The following GRM4 variants were observed in gnomAD, a reference collection of about 807,000 sequenced individuals.
GRM4 encodes glutamate metabotropic receptor 4.
Under a neutral mutation model 81.7 loss-of-function variants are expected in GRM4, and 28 were observed. That is an observed-to-expected ratio of 0.34 (90% CI 0.25 to 0.47). GRM4 has a LOEUF of 0.47. GRM4 is among the 20% of genes least tolerant of loss of function. The pLI is 1.00. For missense variants in GRM4, 948 were observed against 1,290.0 expected (o/e 0.73, Z 4.06); for synonymous variants, 488 against 528.8 (o/e 0.92, Z 1.06).
chr6:34,141,717 T>G (rs1770698731), intron 1 of GRM4, among the ~76,000 whole-genome samples: 1 of 152,174 alleles, frequency 6.6e-6, no homozygotes, highest in Non-Finnish European at 1.5e-5. Flanking sequence ...GTGGGCTGGC[T>G]GCTAGCTAGC....
chr6:34,025,531 GC>G (rs1033208443), intron 10 of GRM4, among the ~76,000 whole-genome samples: 5 of 152,248 alleles, frequency 3.3e-5, no homozygotes, highest in African/African-American at 1.2e-4. Flanking sequence ...CTCCTCTAAT[GC>G]CCTACCTGTC....
intron 2 of GRM4, among the ~76,000 whole-genome samples, chr6:34,096,594 C>T (rs1241390180): frequency 6.6e-6 from 1 of 152,242 alleles, no homozygotes; most frequent in African/African-American, 2.4e-5. Context: ...CTAGTCAATA[C>T]CCACTGCGTT....
At position 34,028,172 on chromosome 6, in the gene GRM4, G is replaced by A. The variant is rs1320073379; in HGVS notation, c.2637C>T (p.Phe879=). The A allele has an allele frequency of 6.2e-7, 1 of 1,613,914 alleles. No homozygotes were observed. Among genetic ancestry groups the A allele is most frequent in the Non-Finnish European group, 8.5e-7 (1 of 1,180,002 alleles). Residue 879 remains phenylalanine, a synonymous_variant, in exon 10 of 11, where the codon TTC becomes TTT. Transcript: ENST00000538487. The part of the protein sequence containing the change: ...MSNKFTQKGN[F]RPNGEAKSEL... ...CAGACTTGGCCTCTCCGTTGGGCCG[G>A]AAGTTGCCCTTCTGCGTGAACTTGT...
Position 34,122,843 on chromosome 6 carries a change from G to A in GRM4, c.519+10135C>T, listed in dbSNP as rs139161613. On this transcript the variant is annotated intron_variant, in intron 2 of 10. Transcript: ENST00000538487. ...GCCCTCAAGAAACTCAGAACTGTGGGGAGAGACACGATTCCCGCAAGAGCC... is the reference window on the plus strand; with the variant it reads ...GCCCTCAAGAAACTCAGAACTGTGGAGAGAGACACGATTCCCGCAAGAGCC... Among the ~76,000 whole-genome samples the A allele has an allele frequency of 2.8e-3, 420 of 152,314 alleles. 4 individuals carry two copies. The highest frequency in any genetic ancestry group is 9.5e-3 in the African/African-American group (393 of 41,562).
rs556327189 is a variant in GRM4, at chr6:34,117,147, G to T, written c.519+15831C>A. ...AATTTGTGTATCTTACAGTGTATAA[G>T]TTGTACCTCCATTTTAAAGAAAAAT... is the stretch of plus-strand genomic sequence containing the variant. On this transcript the variant is annotated intron_variant, in intron 2 of 10. Coordinates refer to ENST00000538487, the MANE Select transcript of GRM4 (RefSeq NM_000841.4). 1.7e-3 allele frequency among the ~76,000 whole-genome samples: 264 copies of T among 152,366 alleles called. 1 individual carries two copies. Among genetic ancestry groups the T allele is most frequent in the South Asian group, 6.8e-3 (33 of 4,830 alleles).
chr6:34,028,593 C>T (rs1198574475), intron 9 of GRM4, among the ~76,000 whole-genome samples: 2 of 152,210 alleles, frequency 1.3e-5, no homozygotes, highest in Non-Finnish European at 2.9e-5. Flanking sequence ...TCAGTTTCCT[C>T]ACGTATAATG....
At chr6:34,044,761 C>T (rs1413671196) in intron 6 of GRM4, among the ~76,000 whole-genome samples, 2 of 132,112 alleles carry the variant, frequency 1.5e-5, no homozygotes, top group Non-Finnish European at 3.2e-5. Flanking sequence ...TACACATACA[C>T]ACACATAGAC....
chr6:34,043,111 T>C (rs2451326), intron 6 of GRM4, among the ~76,000 whole-genome samples: 109,490 of 152,068 alleles, frequency 0.72, 39,878 homozygotes, highest in African/African-American at 0.84. Flanking sequence ...CCAGGTCACA[T>C]AGCCAAGGGC....
chr6:34,070,572 C>A lies in GRM4; in HGVS notation c.737-8544G>T, dbSNP rs1373847327. Among the ~76,000 whole-genome samples the A allele has an allele frequency of 2.6e-5, 4 of 151,840 alleles. No homozygotes were observed. The highest frequency in any genetic ancestry group is 9.7e-5 in the African/African-American group (4 of 41,300). ...CCCTGGAGCCAACACCTCTGGGGAG[C>A]GGGTAAGGCCTAGTGGGGTGGGGCT... On this transcript the variant is annotated intron_variant, in intron 3 of 10. Transcript: ENST00000538487. The surrounding 1 kb of genome is among the most constrained non-coding windows in gnomAD (Gnocchi z 4.6).
chr6:34,119,445 A>C (rs192378803), intron 2 of GRM4, among the ~76,000 whole-genome samples: 1 of 152,318 alleles, frequency 6.6e-6, no homozygotes, highest in African/African-American at 2.4e-5. Flanking sequence ...GACCTGCTAC[A>C]TGAGGCCAGG....
rs1763845214 is a variant in GRM4 at position 34,020,816 on chromosome 6, G to A, written c.*2005C>T. ...GGCCAGGAGTAAGAGTGGGCTGATG[G>A]AGAAGACATACCTGGCATGATTCAA... On this transcript the variant is annotated 3_prime_UTR_variant, in exon 11 of 11. Coordinates refer to ENST00000538487, the MANE Select transcript of GRM4 (RefSeq NM_000841.4). The A allele has an allele frequency of 1.3e-5, 2 of 152,332 alleles. No homozygotes were observed. The highest frequency in any genetic ancestry group is 4.8e-5 in the African/African-American group (2 of 41,436). The allele number at this position is 152,332 out of a possible 1,614,324, so 9.4% of individuals were successfully genotyped here. A position where few individuals can be genotyped will look rare whatever the true frequency, so the allele number is the denominator to read the frequency against.
chr6:34,072,819 AACCACAC>A (rs1767023800), intron 3 of GRM4, among the ~76,000 whole-genome samples: 1 of 58,206 alleles, frequency 1.7e-5, no homozygotes, highest in African/African-American at 6.2e-5. Flanking sequence ...CACCACACAC[AACCACAC>A]ATCACCACAC....
intron 2 of GRM4, among the ~76,000 whole-genome samples, chr6:34,105,528 T>C (rs1769077310): frequency 6.6e-6 from 1 of 152,120 alleles, no homozygotes; most frequent in Non-Finnish European, 1.5e-5. Flanking sequence ...TCAGCTTCCT[T>C]TGCTGTCCTG....
intron 2 of GRM4, among the ~76,000 whole-genome samples, chr6:34,099,439 G>A (rs1201319654): frequency 6.6e-6 from 1 of 152,124 alleles, no homozygotes; most frequent in Non-Finnish European, 1.5e-5. Flanking sequence ...GGGGAGGTGG[G>A]CGGCAGGCAC....
At position 34,035,645 on chromosome 6, in the gene GRM4, C is replaced by CCCT; in HGVS notation, c.2442+22_2442+23insAGG. 1 of 1,427,924 alleles carries CCCT rather than the reference C, an allele frequency of 7.0e-7. No homozygotes were observed. Among genetic ancestry groups the CCCT allele is most frequent in the Admixed American group, 1.8e-5 (1 of 55,478 alleles). 88.5% of individuals were successfully genotyped at this position (1,427,924 alleles called of 1,614,324 possible). ...TCACTGCCCTCACCTACCCACCGTCCACCCCCGGCCCCCACCACTCACCTT... is the reference window on the plus strand; with the variant it reads ...TCACTGCCCTCACCTACCCACCGTCCCCTACCCCCGGCCCCCACCACTCACCTT... On this transcript the variant is annotated intron_variant, in intron 9 of 10. Coordinates refer to ENST00000538487, the MANE Select transcript of GRM4 (RefSeq NM_000841.4). The surrounding 1 kb of genome is among the most constrained non-coding windows in gnomAD (Gnocchi z 6.6).
intron 2 of GRM4, among the ~76,000 whole-genome samples, chr6:34,099,565 G>C (rs1006704544): frequency 1.3e-5 from 2 of 152,136 alleles, no homozygotes; most frequent in Non-Finnish European, 2.9e-5. Context: ...AGCACATAGA[G>C]AGGATGCCAG....
chr6:34,094,184 G>A (rs2127488268), intron 2 of GRM4, among the ~76,000 whole-genome samples: 1 of 152,330 alleles, frequency 6.6e-6, no homozygotes, highest in East Asian at 1.9e-4. Flanking sequence ...GTGTGAAAGG[G>A]GAGGTGCATA....
intron 10 of GRM4, among the ~76,000 whole-genome samples, chr6:34,025,409 A>G (rs1764082917): frequency 6.6e-6 from 1 of 152,168 alleles, no homozygotes; most frequent in Non-Finnish European, 1.5e-5. Context: ...CAGCAGCCAC[A>G]ACAAAATCTC....
intron 2 of GRM4, among the ~76,000 whole-genome samples, chr6:34,100,864 T>C (rs1445384007): frequency 6.6e-6 from 1 of 152,230 alleles, no homozygotes; most frequent in Non-Finnish European, 1.5e-5. Context: ...CTGTAAGCAA[T>C]GGGTCCCTGA....
Sources: allele counts gnomAD v4.1 joint callset (sites outside exome capture counted in the v4.1 genomes callset), GRCh38; gene constraint gnomAD v4.1.1; non-coding constraint Gnocchi (gnomAD v3.1); transcripts MANE v1.5; gene names NCBI Gene and HGNC (gene_info 2026-07-23, HGNC 2026-07-21).